Variants in TUSC3 observed in about 807,000 individuals in gnomAD.
TUSC3 encodes dolichyl-diphosphooligosaccharide--protein glycosyltransferase subunit TUSC3.
TUSC3 carries 45 observed loss-of-function variants against 44.8 expected under a neutral mutation model. That is an observed-to-expected ratio of 1.00 (90% CI 0.79 to 1.29). The LOEUF (loss-of-function observed/expected upper bound fraction) is 1.29. Ranked by LOEUF, TUSC3 falls within the 50% of genes most tolerant of loss-of-function variation. TUSC3 has a pLI of 0.00. For missense variants in TUSC3, 519 were observed against 437.9 expected (o/e 1.19, Z -1.65); for synonymous variants, 212 against 152.9 (o/e 1.39, Z -2.85).
At chr8:15,788,546 C>CAAAA in the TUSC3 span, among the ~76,000 whole-genome samples, 9 of 75,532 alleles carry the variant, frequency 1.2e-4, no homozygotes, top group Admixed American at 1.6e-4. Flanking sequence ...GACTCTATCT[C>CAAAA]AAAAAAAAAA....
At chr8:15,748,227 T>C in intron 8 of TUSC3, 148 bp from the exon 9 acceptor site, 2 of 683,882 alleles carry the variant, frequency 2.9e-6, no homozygotes, top group East Asian at 5.3e-5. Flanking sequence ...ATTGGATACC[T>C]GTATCCAAAT....
At chr8:15,658,756 A>G (rs908445966) in intron 3 of TUSC3, among the ~76,000 whole-genome samples, 18 of 151,956 alleles carry the variant, frequency 1.2e-4, no homozygotes, top group African/African-American at 4.1e-4. Context: ...CTTACTGCAA[A>G]TTAACCTAAT....
intron 1 of TUSC3, among the ~76,000 whole-genome samples, chr8:15,434,546 T>TTTTTA (rs34751308): frequency 7.9e-6 from 1 of 125,930 alleles, no homozygotes; most frequent in Non-Finnish European, 1.8e-5. Context: ...TTTTTTTTTT[T>TTTTTA]ATACTTTAAG....
At chr8:15,784,486 A>T in the TUSC3 span, among the ~76,000 whole-genome samples, 19 of 150,760 alleles carry the variant, frequency 1.3e-4, no homozygotes, top group Non-Finnish European at 2.2e-4. Flanking sequence ...GGATTCGAAA[A>T]ATGTTATGTG....
At chr8:15,804,642 C>G in the TUSC3 span, among the ~76,000 whole-genome samples, 1 of 152,032 alleles carries the variant, frequency 6.6e-6, no homozygotes, top group South Asian at 2.1e-4. Flanking sequence ...AGGTGCACAC[C>G]TTTATTACTG....
chr8:15,757,398 C>A (rs953331073), intron 9 of TUSC3, among the ~76,000 whole-genome samples: 12 of 152,078 alleles, frequency 7.9e-5, no homozygotes, highest in African/African-American at 2.9e-4. Context: ...TGATAGTGAA[C>A]AAGTACAGCA....
intron 6 of TUSC3, among the ~76,000 whole-genome samples, chr8:15,722,211 C>T (rs2129204589): frequency 6.6e-6 from 1 of 150,792 alleles, no homozygotes; most frequent in East Asian, 1.9e-4. Flanking sequence ...GCATAGTCTG[C>T]TTAGGGTTTC....
chr8:15,729,594 A>G (rs1007110231), intron 6 of TUSC3, among the ~76,000 whole-genome samples: 1 of 152,174 alleles, frequency 6.6e-6, no homozygotes, highest in Non-Finnish European at 1.5e-5. Context: ...GCATTATCCT[A>G]AGCAAATTAA....
the TUSC3 span, among the ~76,000 whole-genome samples, chr8:15,818,753 C>T: frequency 6.6e-6 from 1 of 152,228 alleles, no homozygotes; most frequent in Admixed American, 6.5e-5. Context: ...GAACTAAATA[C>T]TCATGTACTT....
At chr8:15,547,728 G>A (rs529235732) in intron 1 of TUSC3, among the ~76,000 whole-genome samples, 1 of 151,356 alleles carries the variant, frequency 6.6e-6, no homozygotes, top group Admixed American at 6.6e-5. Context: ...TTAGATTAGT[G>A]CCCTTATAAA....
chr8:15,540,637 G>A, intron 1 of TUSC3, 69 bp downstream of exon 1: 1 of 1,455,556 alleles, frequency 6.9e-7, no homozygotes, highest in East Asian at 2.7e-5. Context: ...TTGCCAGGCA[G>A]CCCTGCCGTG....
At chr8:15,583,943 A>T (rs1003095383) in intron 1 of TUSC3, among the ~76,000 whole-genome samples, 4 of 152,222 alleles carry the variant, frequency 2.6e-5, no homozygotes, top group Non-Finnish European at 5.9e-5. Flanking sequence ...CTTAGTAAGC[A>T]GATGTGCTGA....
At chr8:15,577,137 T>G (rs1246452467) in intron 1 of TUSC3, among the ~76,000 whole-genome samples, 3 of 149,330 alleles carry the variant, frequency 2.0e-5, no homozygotes, top group Non-Finnish European at 3.0e-5. Flanking sequence ...TTCATGTCCT[T>G]TGCCCACTTT....
chr8:15,844,702 A>C, the TUSC3 span, among the ~76,000 whole-genome samples: 1 of 152,270 alleles, frequency 6.6e-6, no homozygotes, highest in Non-Finnish European at 1.5e-5. Context: ...TCATTCTTTA[A>C]ATCTCTGTAT....
chr8:15,590,539 A>G (rs951302529), intron 1 of TUSC3, among the ~76,000 whole-genome samples: 2 of 152,062 alleles, frequency 1.3e-5, no homozygotes, highest in African/African-American at 2.4e-5. Context: ...TTTATTTACT[A>G]TTTTTAGAGG....
At chr8:15,520,617 C>G (rs1447157779) in intron 2 of TUSC3, among the ~76,000 whole-genome samples, 1 of 152,140 alleles carries the variant, frequency 6.6e-6, no homozygotes, top group Non-Finnish European at 1.5e-5. Context: ...TTGCATGTAC[C>G]TGGAAATACA....
intron 9 of TUSC3, 50 bp from the exon 10 acceptor site, chr8:15,757,741 A>G: frequency 6.8e-7 from 1 of 1,476,500 alleles, no homozygotes; most frequent in Non-Finnish European, 9.5e-7. Context: ...ATTCAATCTT[A>G]AGGATTATTT....
At chr8:15,524,856 C>T (rs1331273940) in intron 2 of TUSC3, among the ~76,000 whole-genome samples, 1 of 152,142 alleles carries the variant, frequency 6.6e-6, no homozygotes, top group Non-Finnish European at 1.5e-5. Flanking sequence ...TTTATTAAGC[C>T]AGACATTGGC....
At chr8:15,839,545 C>A in the TUSC3 span, among the ~76,000 whole-genome samples, 5 of 152,106 alleles carry the variant, frequency 3.3e-5, no homozygotes, top group African/African-American at 1.2e-4. Flanking sequence ...AAACAAACGA[C>A]CCCATCAACA....
Sources: gnomAD v4.1 joint callset for allele counts (sites outside exome capture counted in the v4.1 genomes callset) on GRCh38, gnomAD v4.1.1 for gene constraint, MANE v1.5 for transcripts, NCBI Gene and HGNC (gene_info 2026-07-23, HGNC 2026-07-21) for gene names.